PIGB: variants seen among roughly 807,000 people sequenced by gnomAD.
The protein encoded by PIGB is GPI alpha-1,2-mannosyltransferase 3.
In PIGB, 58 loss-of-function variants were observed where a neutral mutation model predicts 68.4. The observed-to-expected ratio is 0.85, with a 90% CI of 0.69 to 1.06. PIGB has a LOEUF of 1.06. Ranked by LOEUF, PIGB falls within the 50% of genes least tolerant of loss-of-function variation. The pLI, the probability that PIGB is intolerant of heterozygous loss-of-function variation, is 0.00. For synonymous variants in PIGB, 219 were observed against 220.5 expected (o/e 0.99, Z 0.06); for missense variants, 634 against 655.8 (o/e 0.97, Z 0.36).
At chr15:55,328,869 G>A (rs2055349486) in intron 4 of PIGB, among the ~76,000 whole-genome samples, 1 of 152,152 alleles carries the variant, frequency 6.6e-6, no homozygotes, top group Non-Finnish European at 1.5e-5. Context: ...GGGAGGCTAA[G>A]GCAGGAGAAT....
rs1399405019 is a variant in PIGB at position 55,319,305 on chromosome 15, C to T, written c.55C>T (p.Leu19Phe). 1.2e-6 allele frequency: 2 copies of T among 1,603,618 alleles called. No individual in the cohort carries two copies. The highest frequency in any genetic ancestry group is 8.5e-7 in the Non-Finnish European group (1 of 1,175,624). ...GGAGCCGGGGGGCGGAGATGCCAGC[C>T]TCACTTTGCATGGTCTCCAGAACCG... ...GMEPGGGDAS[L>F]TLHGLQNRSH... The change falls in exon 1 of 12, where the codon CTC becomes TTC. Residue 19 changes from leucine (L) to phenylalanine (F), a missense_variant. Transcript: ENST00000164305.
chr15:55,347,512 T>A (rs1384588357), intron 9 of PIGB, among the ~76,000 whole-genome samples: 2 of 152,190 alleles, frequency 1.3e-5, no homozygotes, highest in Non-Finnish European at 2.9e-5. Context: ...CCTGAAATAT[T>A]TTTTTCTTAG....
At chr15:55,320,528 TC>T (rs1296592895) in intron 2 of PIGB, 118 bp downstream of exon 2, 1 of 826,784 alleles carries the variant, frequency 1.2e-6, no homozygotes, top group Non-Finnish European at 1.9e-6. Context: ...GTTTCCAAAA[TC>T]CCTAGTGGAT....
At chr15:55,336,165 G>C (rs1432030143) in intron 6 of PIGB, among the ~76,000 whole-genome samples, 1 of 152,034 alleles carries the variant, frequency 6.6e-6, no homozygotes, top group African/African-American at 2.4e-5. Flanking sequence ...CAGTGCCCTG[G>C]GAGACCAGGA....
chr15:55,338,235 A>G (rs915689307), intron 6 of PIGB, among the ~76,000 whole-genome samples: 2 of 152,126 alleles, frequency 1.3e-5, no homozygotes, highest in African/African-American at 4.8e-5. Flanking sequence ...TCCTCCTGCT[A>G]TTTATGTCTT....
chr15:55,328,927 G>T (rs1304760141), intron 4 of PIGB, among the ~76,000 whole-genome samples: 11 of 152,138 alleles, frequency 7.2e-5, no homozygotes, highest in African/African-American at 2.7e-4. Context: ...TCTAACCTGG[G>T]TGACAGAGCA....
In PIGB at chr15:55,340,604, G is replaced by A; in HGVS notation, c.847-8G>A. On this transcript the variant is annotated splice_region_variant and splice_polypyrimidine_tract_variant and intron_variant, in intron 7 of 11. Transcript: ENST00000164305. ...CATTTCTATTTATTTTTCCTTCAAC[G>A]GTGCCAGTGGACTCTGGTTCAATTT... The A allele has an allele frequency of 2.5e-6, 4 of 1,593,946 alleles. No homozygotes were observed. Among genetic ancestry groups the A allele is most frequent in the Admixed American group, 1.7e-5 (1 of 58,202 alleles).
At chr15:55,321,664 T>C (rs1292028931) in intron 3 of PIGB, among the ~76,000 whole-genome samples, 5 of 139,844 alleles carry the variant, frequency 3.6e-5, no homozygotes, top group African/African-American at 5.2e-5. Flanking sequence ...TTTTTTTTTT[T>C]TTTTTTGGGA....
chr15:55,354,290 G>A (rs1041778107), intron 10 of PIGB, among the ~76,000 whole-genome samples: 5 of 151,374 alleles, frequency 3.3e-5, no homozygotes, highest in African/African-American at 4.9e-5. Flanking sequence ...CCTGGGTGAC[G>A]AGAGCGAAAC....
rs1194723803 is a variant in PIGB at position 55,327,622 on chromosome 15, T to C, written c.509T>C (p.Val170Ala). ...SLMKQLENQE[V>A]ARWVFFCQLC... is the part of the protein sequence containing the mutation. ...ATGAAGCAACTAGAAAATCAGGAAG[T>C]GGCAAGATGGGTGGTAAGTCCTAAA... Residue 170 changes from valine (V) to alanine (A), a missense_variant, in exon 4 of 12, where the codon GTG (valine) becomes GCG (alanine). Transcript: ENST00000164305. The C allele has an allele frequency of 6.2e-7, 1 of 1,602,426 alleles. No homozygotes were observed. The highest frequency in any genetic ancestry group is 8.5e-7 in the Non-Finnish European group (1 of 1,170,660).
intron 4 of PIGB, 68 bp from the exon 5 acceptor site, chr15:55,329,656 A>G (rs78117879): frequency 0.025 from 30,555 of 1,214,418 alleles, 483 homozygotes; most frequent in Non-Finnish European, 0.031. Context: ...CTTGCTATTT[A>G]GAAGATAATA....
At chr15:55,319,970 G>A in intron 1 of PIGB, 1 of 232,014 alleles carries the variant, frequency 4.3e-6, no homozygotes, top group Non-Finnish European at 8.5e-6. Flanking sequence ...TACACACATA[G>A]TATGACCTAA....
intron 8 of PIGB, 119 bp from the exon 9 acceptor site, chr15:55,341,619 G>GA (rs2055672445): frequency 2.9e-6 from 1 of 343,732 alleles, no homozygotes; most frequent in Non-Finnish European, 5.0e-6. Flanking sequence ...AATTCAGTCT[G>GA]AATACTTAGA....
chr15:55,328,783 C>T lies in PIGB; in HGVS notation c.523-941C>T, dbSNP rs1434120116. 7.2e-5 allele frequency among the ~76,000 whole-genome samples: 11 copies of T among 152,066 alleles called. No homozygotes were observed. In the South Asian group the frequency reaches 1.0e-3, roughly 14 times the overall value. On this transcript the variant is annotated intron_variant, in intron 4 of 11. Transcript: ENST00000164305. ...GAGTTCGAGACCAGCCTGGCCAACA[C>T]GGTGAAACCCTGTCTCTACTAAAAA... is the stretch of plus-strand genomic sequence containing the variant.
chr15:55,320,452 C>T, intron 2 of PIGB, 42 bp downstream of exon 2: 1 of 1,581,828 alleles, frequency 6.3e-7, no homozygotes, highest in South Asian at 1.1e-5. Context: ...AGTGTGTATT[C>T]ATCTTGGAAA....
chr15:55,329,478 G>A (rs1425351562), intron 4 of PIGB, among the ~76,000 whole-genome samples: 1 of 152,132 alleles, frequency 6.6e-6, no homozygotes, highest in Non-Finnish European at 1.5e-5. Context: ...CAAATGAAGT[G>A]CCATAAAAAT....
chr15:55,333,851 C>T lies in PIGB; in HGVS notation c.654-16C>T. On this transcript the variant is annotated splice_polypyrimidine_tract_variant and intron_variant, in intron 5 of 11. Transcript: ENST00000164305. Reference sequence around the variant, plus strand: ...TTAATTTCCCACTTGTCTTATCACACATTTTCCTCTTATAGTGTCAAATAC... The same window carrying T: ...TTAATTTCCCACTTGTCTTATCACATATTTTCCTCTTATAGTGTCAAATAC... 1 of 1,530,180 alleles carries T rather than the reference C, an allele frequency of 6.5e-7. No homozygotes were observed. Among genetic ancestry groups the T allele is most frequent in the Non-Finnish European group, 8.8e-7 (1 of 1,135,594 alleles). The allele number at this position is 1,530,180 out of a possible 1,614,324, so 94.8% of individuals were successfully genotyped here.
chr15:55,355,583 C>A lies in PIGB; in HGVS notation c.*151C>A. On this transcript the variant is annotated 3_prime_UTR_variant, in exon 12 of 12. Coordinates refer to ENST00000164305, the MANE Select transcript of PIGB (RefSeq NM_004855.5). ...ACTACTGAGGAAATGTATAAAATAC[C>A]ACATAGTATAAAATTACATGTTAAT... 1 of 552,904 alleles carries A rather than the reference C, an allele frequency of 1.8e-6. No individual in the cohort carries two copies. Among genetic ancestry groups the A allele is most frequent in the Non-Finnish European group, 3.1e-6 (1 of 320,738 alleles). 34.2% of individuals were successfully genotyped at this position (552,904 alleles called of 1,614,324 possible). A position where few individuals can be genotyped will look rare whatever the true frequency, so the allele number is the denominator to read the frequency against.
Position 55,340,730 on chromosome 15 carries a change from C to G in PIGB, c.965C>G (p.Thr322Ser), listed in dbSNP as rs766545229. Residue 322 changes from threonine (T) to serine (S), a missense_variant, in exon 8 of 12, where the codon ACT (threonine) becomes AGT (serine). Physicochemically the swap from Thr to Ser is moderately conservative, Grantham distance 58. Transcript: ENST00000164305. Reference sequence around the variant, plus strand: ...CAAGGATTTCCAGTTATCTTGGGTACTCACTTACCCTTCTTTATTCATGGC... The same window carrying G: ...CAAGGATTTCCAGTTATCTTGGGTAGTCACTTACCCTTCTTTATTCATGGC... ...FSQGFPVILGTHLPFFIHGCY... is the reference protein window; with the variant it reads ...FSQGFPVILGSHLPFFIHGCY... The G allele has an allele frequency of 6.2e-7, 1 of 1,610,028 alleles. No individual in the cohort carries two copies. The highest frequency in any genetic ancestry group is 1.1e-5 in the South Asian group (1 of 90,394).
Sources: allele counts gnomAD v4.1 joint callset (sites outside exome capture counted in the v4.1 genomes callset), GRCh38; gene constraint gnomAD v4.1.1; transcripts MANE v1.5; gene names NCBI Gene and HGNC (gene_info 2026-07-23, HGNC 2026-07-21).